ADGRL3: variants seen among roughly 807,000 people sequenced by gnomAD.
The protein encoded by ADGRL3 is adhesion G protein-coupled receptor L3, also known as calcium-independent alpha-latrotoxin receptor 3.
Under a neutral mutation model 153.5 loss-of-function variants are expected in ADGRL3, and 62 were observed. The ratio of observed to expected loss-of-function variants is 0.40; its 90% CI spans 0.33 to 0.50. The LOEUF (loss-of-function observed/expected upper bound fraction) is 0.50. Ranked by LOEUF, ADGRL3 falls within the 20% of genes least tolerant of loss-of-function variation. ADGRL3 has a pLI of 0.47. For missense variants in ADGRL3, 1,641 were observed against 1,859.4 expected, an observed-to-expected ratio of 0.88 and a Z score of 2.16; for synonymous variants, 710 against 672.5, an observed-to-expected ratio of 1.06 and a Z score of -0.86.
At chr4:61,905,210 T>C (rs1258319286) in intron 11 of ADGRL3, among the ~76,000 whole-genome samples, 1 of 152,108 alleles carries the variant, frequency 6.6e-6, no homozygotes, top group African/African-American at 2.4e-5. Context: ...AAAGTATGAG[T>C]TGTATCAGAT....
At chr4:61,835,337 GAA>G (rs34440166) in intron 9 of ADGRL3, among the ~76,000 whole-genome samples, 10,140 of 32,050 alleles carry the variant, frequency 0.32, 211 homozygotes, top group East Asian at 0.45. Flanking sequence ...TGGCAAGACT[GAA>G]AAAAAAAAAA....
intron 1 of ADGRL3, among the ~76,000 whole-genome samples, chr4:61,292,344 A>G (rs552534587): frequency 1.2e-4 from 18 of 152,272 alleles, no homozygotes; most frequent in South Asian, 2.1e-4. Context: ...AAAAATGAGT[A>G]TAATAACAAA....
At position 61,573,490 on chromosome 4, in the gene ADGRL3, T is replaced by A. The variant is rs182993029; in HGVS notation, c.260-13737T>A. The stretch of plus-strand genomic sequence containing the variant: ...AATGATTGTGAGAACATATATCTAA[T>A]TTCTAATTCTTCCCCCTCTCCATTA... On this transcript the variant is annotated intron_variant, in intron 4 of 26. Transcript: ENST00000683033. 1.6e-4 allele frequency among the ~76,000 whole-genome samples: 24 copies of A among 152,080 alleles called. 2 individuals carry two copies. The East Asian group carries it at 4.6e-3, about 29-fold the overall frequency.
intron 5 of ADGRL3, among the ~76,000 whole-genome samples, chr4:61,637,589 C>T (rs564845322): frequency 2.0e-5 from 3 of 152,052 alleles, no homozygotes; most frequent in Non-Finnish European, 4.4e-5. Context: ...CATGGTGAAA[C>T]CTCGTCTATG....
chr4:61,489,391 A>G (rs1012105492), intron 2 of ADGRL3, among the ~76,000 whole-genome samples: 1 of 152,006 alleles, frequency 6.6e-6, no homozygotes, highest in Non-Finnish European at 1.5e-5. Flanking sequence ...AAGGACTAGG[A>G]AAATATGGCT....
chr4:61,605,779 T>C (rs1411060267), intron 5 of ADGRL3, among the ~76,000 whole-genome samples: 1 of 152,214 alleles, frequency 6.6e-6, no homozygotes, highest in Non-Finnish European at 1.5e-5. Flanking sequence ...AAAGCTTATG[T>C]ATGTGAAATG....
chr4:61,351,847 T>G (rs1258575970), intron 1 of ADGRL3, among the ~76,000 whole-genome samples: 1 of 152,176 alleles, frequency 6.6e-6, no homozygotes, highest in Non-Finnish European at 1.5e-5. Flanking sequence ...TGTAAGAAGA[T>G]TCATCTTGTT....
At chr4:61,814,608 T>A (rs1164336295) in intron 9 of ADGRL3, among the ~76,000 whole-genome samples, 1 of 152,174 alleles carries the variant, frequency 6.6e-6, no homozygotes, top group Non-Finnish European at 1.5e-5. Flanking sequence ...TTTTGAGTAA[T>A]GCAGTATATT....
chr4:61,549,180 A>AT (rs1223226966), intron 4 of ADGRL3, among the ~76,000 whole-genome samples: 1 of 151,936 alleles, frequency 6.6e-6, no homozygotes, highest in African/African-American at 2.4e-5. Context: ...TTGTATATTG[A>AT]TTTTTTATCC....
chr4:61,978,225 A>G (rs1197009002), intron 17 of ADGRL3, among the ~76,000 whole-genome samples: 2 of 152,102 alleles, frequency 1.3e-5, no homozygotes, highest in Admixed American at 6.6e-5. Flanking sequence ...GTACATGTTT[A>G]TACTTTTACC....
intron 17 of ADGRL3, among the ~76,000 whole-genome samples, chr4:61,956,964 T>C (rs1397659564): frequency 2.0e-5 from 3 of 152,186 alleles, no homozygotes; most frequent in African/African-American, 7.2e-5. Context: ...TGAAGTCAGG[T>C]AGCATGATGC....
At chr4:61,510,980 C>A (rs60464667) in intron 3 of ADGRL3, among the ~76,000 whole-genome samples, 1 of 151,856 alleles carries the variant, frequency 6.6e-6, no homozygotes, top group African/African-American at 2.4e-5. Context: ...ATCTTTTCAC[C>A]CCCCTGATTA....
intron 2 of ADGRL3, among the ~76,000 whole-genome samples, chr4:61,476,902 A>G (rs897290215): frequency 7.9e-5 from 12 of 151,688 alleles, no homozygotes; most frequent in Admixed American, 2.6e-4. Flanking sequence ...GGACTTTTCT[A>G]TGCTATCCCC....
Position 61,494,554 on chromosome 4 carries a change from A to G in ADGRL3, c.-173-2567A>G, listed in dbSNP as rs577455304. ...GCTTTCAAAATTTCTTTTCTGAGTTATACACTTATGACAATTGAGAATAGA... is the reference window on the plus strand; with the variant it reads ...GCTTTCAAAATTTCTTTTCTGAGTTGTACACTTATGACAATTGAGAATAGA... On this transcript the variant is annotated intron_variant, in intron 2 of 26. Coordinates refer to ENST00000683033, the MANE Select transcript of ADGRL3 (RefSeq NM_001387552.1). Among the ~76,000 whole-genome samples, 94 of 152,336 alleles carry G rather than the reference A, an allele frequency of 6.2e-4. 1 individual carries two copies. The highest frequency in any genetic ancestry group is 3.7e-3 in the South Asian group (18 of 4,834).
chr4:62,060,614 C>T (rs1003593193), intron 25 of ADGRL3, among the ~76,000 whole-genome samples: 2 of 151,802 alleles, frequency 1.3e-5, no homozygotes, highest in Non-Finnish European at 2.9e-5. Flanking sequence ...ATGGGAAGTA[C>T]AATTTACAGA....
intron 21 of ADGRL3, among the ~76,000 whole-genome samples, chr4:62,005,023 T>G (rs1014507174): frequency 6.6e-6 from 1 of 152,164 alleles, no homozygotes; most frequent in Non-Finnish European, 1.5e-5. Context: ...GCTTTGTGTA[T>G]TTTTAATGAC....
chr4:61,990,974 G>GTA (rs1242913660), intron 19 of ADGRL3, among the ~76,000 whole-genome samples: 1 of 151,140 alleles, frequency 6.6e-6, no homozygotes, highest in Non-Finnish European at 1.5e-5. Context: ...GTGTGTGTGT[G>GTA]TGTGTGTGTG....
intron 5 of ADGRL3, among the ~76,000 whole-genome samples, chr4:61,667,381 T>G (rs1364752928): frequency 2.0e-5 from 3 of 152,140 alleles, no homozygotes; most frequent in Admixed American, 2.0e-4. Context: ...AAATTGCCAC[T>G]GAAAATTTTT....
intron 1 of ADGRL3, among the ~76,000 whole-genome samples, chr4:61,298,469 T>A (rs1006965880): frequency 1.3e-5 from 2 of 152,212 alleles, no homozygotes; most frequent in African/African-American, 4.8e-5. Flanking sequence ...TCTTCTTTTG[T>A]TGCTGAGAAC....
Sources: gnomAD v4.1 joint callset for allele counts (sites outside exome capture counted in the v4.1 genomes callset) on GRCh38, gnomAD v4.1.1 for gene constraint, MANE v1.5 for transcripts, NCBI Gene and HGNC (gene_info 2026-07-23, HGNC 2026-07-21) for gene names.